The following BRWD1 variants were observed in gnomAD, a reference collection of about 807,000 sequenced individuals.
BRWD1 encodes the protein bromodomain and WD repeat domain containing 1.
Under a neutral mutation model 251.2 loss-of-function variants are expected in BRWD1, and 82 were observed. The observed-to-expected ratio is 0.33, with a 90% CI of 0.27 to 0.39. BRWD1 has a LOEUF of 0.39. Ranked by LOEUF, BRWD1 falls within the 10% of genes least tolerant of loss-of-function variation. The probability of loss-of-function intolerance (pLI) is 1.00; values close to 1 mark genes in which losing one functional copy is unlikely to be tolerated. For missense variants in BRWD1, 2,233 were observed against 2,711.6 expected (o/e 0.82, Z 3.92); for synonymous variants, 918 against 902.8 (o/e 1.02, Z -0.30).
chr21:39,295,406 C>G (rs2035935931), intron 7 of BRWD1, among the ~76,000 whole-genome samples: 1 of 151,910 alleles, frequency 6.6e-6, no homozygotes, highest in African/African-American at 2.4e-5. Flanking sequence ...CCAGGATGGT[C>G]TCGATCTCCT....
chr21:39,318,118 T>TA (rs2036716588), upstream of BRWD1, among the ~76,000 whole-genome samples: 1 of 152,136 alleles, frequency 6.6e-6, no homozygotes, highest in Non-Finnish European at 1.5e-5. Flanking sequence ...CTTTTTTTTT[T>TA]AATCTGTCTG....
At chr21:39,313,004 G>A in intron 3 of BRWD1, 68 bp downstream of exon 3, 2 of 1,181,336 alleles carry the variant, frequency 1.7e-6, no homozygotes, top group Non-Finnish European at 1.1e-6. Flanking sequence ...GGGGGCGCGG[G>A]CGAGCATCCC....
At position 39,186,808 on chromosome 21, in the gene BRWD1, C is replaced by T; in HGVS notation, c.*9451G>A. ...CCATTTGTCTTTTCTTTCCACCTCT[C>T]CACCTACAGACTCTGCAATTTATTT... On this transcript the variant is annotated 3_prime_UTR_variant, in exon 41 of 41. Coordinates refer to ENST00000342449, the MANE Select transcript of BRWD1 (RefSeq NM_033656.4). 1.6e-6 allele frequency: 1 copy of T among 624,506 alleles called. No individual in the cohort carries two copies. The highest frequency in any genetic ancestry group is 2.4e-6 in the Non-Finnish European group (1 of 424,308). 38.7% of individuals were successfully genotyped at this position (624,506 alleles called of 1,614,324 possible). A position where few individuals can be genotyped will look rare whatever the true frequency, so the allele number is the denominator to read the frequency against.
chr21:39,200,814 A>G (rs1418244140), intron 38 of BRWD1, among the ~76,000 whole-genome samples: 1 of 152,112 alleles, frequency 6.6e-6, no homozygotes, highest in East Asian at 1.9e-4. Context: ...GTGAAACCCC[A>G]TCTCTACTGA....
At chr21:39,260,087 C>G (rs1471638781) in intron 17 of BRWD1, among the ~76,000 whole-genome samples, 1 of 152,036 alleles carries the variant, frequency 6.6e-6, no homozygotes, top group Non-Finnish European at 1.5e-5. Flanking sequence ...AATGTTATAT[C>G]TCATATTAAC....
chr21:39,193,245 T>C lies in BRWD1; in HGVS notation c.*3014A>G. On this transcript the variant is annotated 3_prime_UTR_variant, in exon 41 of 41. Transcript: ENST00000342449. ...CCTTTCTGTTGTAATTTACAAGCTG[T>C]GAGTAACTGCTATATCATTGTTTCC... The C allele has an allele frequency of 4.1e-6, 4 of 971,180 alleles. No homozygotes were observed. Among genetic ancestry groups the C allele is most frequent in the Non-Finnish European group, 3.7e-6 (3 of 816,634 alleles). 60.2% of individuals were successfully genotyped at this position (971,180 alleles called of 1,614,324 possible).
intron 8 of BRWD1, among the ~76,000 whole-genome samples, chr21:39,288,571 A>AC (rs1399146629): frequency 5.3e-5 from 8 of 152,140 alleles, no homozygotes; most frequent in African/African-American, 9.6e-5. Context: ...AGGGTACCAA[A>AC]CCCCCCCAGG....
rs535370129 is a variant in BRWD1, at chr21:39,223,834, C to A, written c.3382+574G>T. 2.6e-5 allele frequency among the ~76,000 whole-genome samples: 4 copies of A among 152,090 alleles called. No homozygotes were observed. In the South Asian group the frequency reaches 8.3e-4, roughly 32 times the overall value. ...AATGAGGTAGGAAAAGTAGAGGCTA[C>A]ATGAAGGATGTAAATTTTTTGTTTT... is the stretch of plus-strand genomic sequence containing the variant. On this transcript the variant is annotated intron_variant, in intron 29 of 40. Transcript: ENST00000342449.
intron 18 of BRWD1, 106 bp downstream of exon 18, chr21:39,258,381 T>C (rs2034629509): frequency 5.1e-6 from 5 of 978,868 alleles, no homozygotes; most frequent in Non-Finnish European, 7.2e-6. Context: ...TAAAAATACA[T>C]TGTTTACTTA....
chr21:39,260,149 CAT>C (rs1308491452), intron 17 of BRWD1, among the ~76,000 whole-genome samples: 1 of 152,104 alleles, frequency 6.6e-6, no homozygotes, highest in Non-Finnish European at 1.5e-5. Flanking sequence ...AAAGGCAGTA[CAT>C]AGAGGCTTAA....
rs376955872 is a variant in BRWD1 at position 39,215,376 on chromosome 21, T to A, written c.3660-14A>T. On this transcript the variant is annotated splice_polypyrimidine_tract_variant and intron_variant, in intron 31 of 40. Transcript: ENST00000342449. ...GCAGACAGCCTCCTTCAAAATAAAG[T>A]AGACAATTTAGGGCTTAGAAAATGA... The A allele has an allele frequency of 6.2e-7, 1 of 1,609,592 alleles. No homozygotes were observed.
intron 22 of BRWD1, 149 bp downstream of exon 22, chr21:39,238,330 G>A (rs1160175065): frequency 5.6e-6 from 3 of 537,446 alleles, no homozygotes; most frequent in African/African-American, 2.0e-5. Flanking sequence ...TATAGGAACA[G>A]CTGTTGGATC....
chr21:39,216,604 CA>C (rs1445777565), intron 31 of BRWD1: 7 of 253,064 alleles, frequency 2.8e-5, no homozygotes, highest in Non-Finnish European at 4.0e-5. Flanking sequence ...GAAACTCATG[CA>C]TCAGAAAGGC....
chr21:39,243,385 C>G (rs1367305020), intron 21 of BRWD1, among the ~76,000 whole-genome samples: 1 of 152,140 alleles, frequency 6.6e-6, no homozygotes, highest in East Asian at 1.9e-4. Flanking sequence ...GGACCATTGA[C>G]TGGTAAAATT....
In BRWD1 at chr21:39,187,243, TTTAGA is replaced by T. The variant is rs777387452; in HGVS notation, c.*9011_*9015del. The T allele has an allele frequency of 6.2e-6, 10 of 1,613,878 alleles. No individual in the cohort carries two copies. The highest frequency in any genetic ancestry group is 8.5e-6 in the Non-Finnish European group (10 of 1,179,908). On this transcript the variant is annotated 3_prime_UTR_variant, in exon 41 of 41. Coordinates refer to ENST00000342449, the MANE Select transcript of BRWD1 (RefSeq NM_033656.4). ...ATTTTCTGGTCCTGAGATCGTTTCT[TTTAGA>T]TTACTCATTATCTTTATTTTATTTG...
chr21:39,258,262 G>A (rs979186291), intron 18 of BRWD1, among the ~76,000 whole-genome samples: 3 of 152,100 alleles, frequency 2.0e-5, no homozygotes, highest in Admixed American at 2.0e-4. Context: ...TGTAAATACT[G>A]TATTTTTAGA....
chr21:39,191,669 C>G lies in BRWD1; in HGVS notation c.*4590G>C. 3 of 984,086 alleles carry G rather than the reference C, an allele frequency of 3.0e-6. No homozygotes were observed. Among genetic ancestry groups the G allele is most frequent in the Non-Finnish European group, 3.6e-6 (3 of 828,832 alleles). 61.0% of individuals were successfully genotyped at this position (984,086 alleles called of 1,614,324 possible). ...TATCAAAAATTAAAGATCCCTTTAA[C>G]TTTTACCCACTGATCAAAAAAGGTA... On this transcript the variant is annotated 3_prime_UTR_variant, in exon 41 of 41. Transcript: ENST00000342449.
In BRWD1 at chr21:39,195,201, A is replaced by G. The variant is rs973304936; in HGVS notation, c.*1058T>C. On this transcript the variant is annotated 3_prime_UTR_variant, in exon 41 of 41. Transcript: ENST00000342449. ...GCTTAGGATTGCACATGGAAGCAGT[A>G]AACTAAAACAAAGAGATGGAGAATG... is the stretch of plus-strand genomic sequence containing the variant. The G allele has an allele frequency of 9.6e-7, 1 of 1,038,176 alleles. No individual in the cohort carries two copies. Among genetic ancestry groups the G allele is most frequent in the Non-Finnish European group, 1.2e-6 (1 of 863,568 alleles). 64.3% of individuals were successfully genotyped at this position (1,038,176 alleles called of 1,614,324 possible).
At position 39,188,802 on chromosome 21, in the gene BRWD1, T is replaced by C. The variant is rs1292834322; in HGVS notation, c.*7457A>G. ...CCCACCACATACACATCAGTTCCTT[T>C]TGCCAACTAACTTATGTGATTCACA... On this transcript the variant is annotated 3_prime_UTR_variant, in exon 41 of 41. Coordinates refer to ENST00000342449, the MANE Select transcript of BRWD1 (RefSeq NM_033656.4). The C allele has an allele frequency of 1.0e-6, 1 of 985,332 alleles. No homozygotes were observed. Among genetic ancestry groups the C allele is most frequent in the Non-Finnish European group, 1.2e-6 (1 of 829,936 alleles). 61.0% of individuals were successfully genotyped at this position (985,332 alleles called of 1,614,324 possible).
Sources: allele counts gnomAD v4.1 joint callset (sites outside exome capture counted in the v4.1 genomes callset), GRCh38; gene constraint gnomAD v4.1.1; transcripts MANE v1.5; gene names NCBI Gene and HGNC (gene_info 2026-07-23, HGNC 2026-07-21).